The following ABCC1 variants were observed in gnomAD, a reference collection of about 807,000 sequenced individuals.
ABCC1 encodes ATP binding cassette subfamily C member 1 (ABCC1 blood group), also known as multidrug resistance-associated protein 1.
ABCC1 carries 83 observed loss-of-function variants against 172.9 expected under a neutral mutation model. The ratio of observed to expected loss-of-function variants is 0.48; its 90% CI spans 0.40 to 0.58. ABCC1 has a LOEUF of 0.58. Ranked by LOEUF, ABCC1 falls within the 20% of genes least tolerant of loss-of-function variation. ABCC1 has a pLI of 0.00. For synonymous variants in ABCC1, 937 were observed against 825.2 expected (o/e 1.14, Z -2.32); for missense variants, 1,817 against 2,002.7 (o/e 0.91, Z 1.77).
intron 6 of ABCC1, among the ~76,000 whole-genome samples, chr16:16,034,168 C>T (rs1303878605): frequency 1.3e-5 from 2 of 151,446 alleles, no homozygotes; most frequent in African/African-American, 4.9e-5. Context: ...GCTGGGGCTA[C>T]AGGCACACTC....
chr16:16,119,160 G>A (rs1301917203), intron 23 of ABCC1, among the ~76,000 whole-genome samples: 1 of 152,194 alleles, frequency 6.6e-6, no homozygotes, highest in Non-Finnish European at 1.5e-5. Flanking sequence ...ATGAAGTTCG[G>A]TCGGGTGCAG....
intron 5 of ABCC1, among the ~76,000 whole-genome samples, chr16:16,032,044 G>C (rs1421584208): frequency 6.6e-6 from 1 of 152,042 alleles, no homozygotes; most frequent in African/African-American, 2.4e-5. Flanking sequence ...AGGCTGTAGT[G>C]CAGTCGTTCG....
In ABCC1 at chr16:16,102,677, G is replaced by T; in HGVS notation, c.2695G>T (p.Gly899Cys). 6.3e-7 allele frequency: 1 copy of T among 1,591,848 alleles called. No homozygotes were observed. The highest frequency in any genetic ancestry group is 1.1e-5 in the South Asian group (1 of 87,218). The change falls in exon 20 of 31, where the codon GGC becomes TGC. Residue 899 changes from glycine to cysteine, a missense_variant. Gly to Cys is a radical substitution (Grantham distance 159). Coordinates refer to ENST00000399410, the MANE Select transcript of ABCC1 (RefSeq NM_004996.4). ...GAAGGAAGCAAAGCAAATGGAGAATGGCATGCTGGTGACGGACAGTGCAGG... is the reference window on the plus strand; with the variant it reads ...GAAGGAAGCAAAGCAAATGGAGAATTGCATGCTGGTGACGGACAGTGCAGG... The part of the protein sequence containing the change: ...PGKEAKQMEN[G>C]MLVTDSAGKQ...
chr16:16,035,434 T>G (rs1741389607), intron 6 of ABCC1, among the ~76,000 whole-genome samples: 1 of 152,128 alleles, frequency 6.6e-6, no homozygotes, highest in African/African-American at 2.4e-5. Flanking sequence ...CCAGATTTCA[T>G]GCTTACTAAT....
At chr16:16,132,510 G>GTTGTTTTTTT (rs2045735645) in intron 27 of ABCC1, among the ~76,000 whole-genome samples, 1 of 37,298 alleles carries the variant, frequency 2.7e-5, no homozygotes, top group East Asian at 8.0e-4. Flanking sequence ...TTGGTTGGTT[G>GTTGTTTTTTT]TTTTTTTTTT....
At chr16:16,106,996 A>C (rs924470812) in intron 21 of ABCC1, 123 bp downstream of exon 21, 1 of 1,360,152 alleles carries the variant, frequency 7.4e-7, no homozygotes, top group Admixed American at 2.1e-5. Flanking sequence ...ACACCTGTGA[A>C]GATACTATTT....
At chr16:15,976,149 C>G (rs2046486766) in intron 1 of ABCC1, among the ~76,000 whole-genome samples, 1 of 152,054 alleles carries the variant, frequency 6.6e-6, no homozygotes, top group African/African-American at 2.4e-5. Context: ...TGCCTGTGAT[C>G]CCAGCTACTC....
intron 1 of ABCC1, among the ~76,000 whole-genome samples, chr16:15,978,960 C>T (rs1398928188): frequency 6.6e-6 from 1 of 152,112 alleles, no homozygotes; most frequent in Non-Finnish European, 1.5e-5. Context: ...ATTAAGGCAA[C>T]AAGCAACATA....
intron 1 of ABCC1, among the ~76,000 whole-genome samples, chr16:16,000,092 A>G (rs1455124037): frequency 6.6e-6 from 1 of 150,632 alleles, no homozygotes; most frequent in African/African-American, 2.4e-5. Context: ...TGATCTCATG[A>G]TCTGCCCGCC....
Position 16,014,475 on chromosome 16 carries a change from G to T in ABCC1, c.352-16G>T. 2 of 1,612,228 alleles carry T rather than the reference G, an allele frequency of 1.2e-6. No homozygotes were observed. The highest frequency in any genetic ancestry group is 1.1e-5 in the South Asian group (1 of 90,614). On this transcript the variant is annotated splice_polypyrimidine_tract_variant and intron_variant, in intron 3 of 30. Transcript: ENST00000399410. ...AAAAAAACCCAACAACTCCTGTCTT[G>T]TGCTTCTCTCCTCAGCTGCTTGCTA... is the stretch of plus-strand genomic sequence containing the variant.
At chr16:15,987,882 T>C (rs556975737) in intron 1 of ABCC1, among the ~76,000 whole-genome samples, 67 of 152,292 alleles carry the variant, frequency 4.4e-4, no homozygotes, top group African/African-American at 1.5e-3. Flanking sequence ...TTGCACTGGC[T>C]GTTTTCTCTG....
chr16:16,032,801 G>T (rs951530712), intron 5 of ABCC1, among the ~76,000 whole-genome samples: 6 of 152,198 alleles, frequency 3.9e-5, no homozygotes, highest in African/African-American at 1.4e-4. Context: ...AATGAGTGAA[G>T]TAGGGATGAC....
intron 21 of ABCC1, among the ~76,000 whole-genome samples, chr16:16,107,654 C>G (rs906792273): frequency 6.6e-5 from 10 of 152,168 alleles, no homozygotes; most frequent in Non-Finnish European, 1.0e-4. Context: ...GGGTCCTACC[C>G]TGCCTTCTCA....
At chr16:16,028,885 G>C (rs896749435) in intron 5 of ABCC1, among the ~76,000 whole-genome samples, 2 of 152,132 alleles carry the variant, frequency 1.3e-5, no homozygotes, top group East Asian at 1.9e-4. Flanking sequence ...CCGGGTCCAC[G>C]GTCTGATCTG....
At chr16:16,022,739 C>T (rs1381579875) in intron 5 of ABCC1, among the ~76,000 whole-genome samples, 2 of 152,110 alleles carry the variant, frequency 1.3e-5, no homozygotes, top group Non-Finnish European at 2.9e-5. Context: ...ATATTTTCCC[C>T]CCAGCATTTT....
intron 6 of ABCC1, among the ~76,000 whole-genome samples, chr16:16,034,418 G>A (rs2048671241): frequency 2.0e-5 from 3 of 152,094 alleles, no homozygotes; most frequent in Admixed American, 2.0e-4. Flanking sequence ...CACTGGGACA[G>A]TTGATGTAAT....
At chr16:16,127,674 C>G (rs2045494523) in intron 26 of ABCC1, among the ~76,000 whole-genome samples, 1 of 152,180 alleles carries the variant, frequency 6.6e-6, no homozygotes, top group African/African-American at 2.4e-5. Flanking sequence ...TACCCGGCCT[C>G]CTGAGGAGAG....
At chr16:16,086,748 A>G in intron 17 of ABCC1, 76 bp from the exon 18 acceptor site, 1 of 1,544,078 alleles carries the variant, frequency 6.5e-7, no homozygotes, top group Non-Finnish European at 8.8e-7. Context: ...GGATCACACC[A>G]CACTCGGCCT....
chr16:16,031,229 T>G (rs1344062076), intron 5 of ABCC1, among the ~76,000 whole-genome samples: 2 of 152,208 alleles, frequency 1.3e-5, no homozygotes, highest in Non-Finnish European at 2.9e-5. Context: ...TATCGGGCTC[T>G]GTAAATGCCT....
Sources: gnomAD v4.1 joint callset for allele counts (sites outside exome capture counted in the v4.1 genomes callset) on GRCh38, gnomAD v4.1.1 for gene constraint, MANE v1.5 for transcripts, NCBI Gene and HGNC (gene_info 2026-07-23, HGNC 2026-07-21) for gene names.